BTBD10: variants seen among roughly 807,000 people sequenced by gnomAD.
BTBD10 encodes BTB/POZ domain-containing protein 10.
BTBD10 carries 21 observed loss-of-function variants against 53.2 expected under a neutral mutation model. The ratio of observed to expected loss-of-function variants is 0.39; its 90% CI spans 0.28 to 0.57. BTBD10 has a LOEUF of 0.57. BTBD10 is among the 20% of genes least tolerant of loss of function. BTBD10 has a pLI of 0.53. For synonymous variants in BTBD10, 149 were observed against 192.7 expected (o/e 0.77, Z 1.88); for missense variants, 360 against 594.7 (o/e 0.61, Z 4.10).
At chr11:13,396,214 C>T (rs1271362795) in intron 8 of BTBD10, among the ~76,000 whole-genome samples, 3 of 152,070 alleles carry the variant, frequency 2.0e-5, no homozygotes, top group East Asian at 1.9e-4. Flanking sequence ...TTTTATTTCA[C>T]TGAGCAGTGG....
intron 5 of BTBD10, among the ~76,000 whole-genome samples, chr11:13,416,257 G>A (rs1445831869): frequency 6.6e-6 from 1 of 151,936 alleles, no homozygotes; most frequent in African/African-American, 2.4e-5. Context: ...GGGAGGCTGA[G>A]GTGGGATGAT....
Position 13,419,603 on chromosome 11 carries a change from C to A in BTBD10, c.441G>T (p.Gly147=). The stretch of plus-strand genomic sequence containing the variant: ...CATTTTCATATACAAACACCATCTC[C>A]CCAGCTGTCTTACAGCTACCATCTG... The part of the protein sequence containing the change: ...SSSDGSCKTA[G]EMVFVYENAK... Residue 147 remains glycine, a synonymous_variant, in exon 4 of 9, where the codon GGG becomes GGT. Coordinates refer to ENST00000278174, the MANE Select transcript of BTBD10 (RefSeq NM_032320.7). 4 of 1,614,046 alleles carry A rather than the reference C, an allele frequency of 2.5e-6. No homozygotes were observed. Among genetic ancestry groups the A allele is most frequent in the Non-Finnish European group, 3.4e-6 (4 of 1,179,976 alleles).
intron 2 of BTBD10, among the ~76,000 whole-genome samples, chr11:13,437,261 G>A (rs559930205): frequency 6.6e-6 from 1 of 152,310 alleles, no homozygotes; most frequent in Admixed American, 6.5e-5. Flanking sequence ...AAGATGGGAA[G>A]CCATATGATA....
In BTBD10 at chr11:13,403,151, TA is replaced by T. The variant is rs1489234247; in HGVS notation, c.1117+16del. 7.3e-7 allele frequency: 1 copy of T among 1,366,778 alleles called. No individual in the cohort carries two copies. Among genetic ancestry groups the T allele is most frequent in the Non-Finnish European group, 1.0e-6 (1 of 999,218 alleles). The allele number at this position is 1,366,778 out of a possible 1,614,324, so 84.7% of individuals were successfully genotyped here. A position where few individuals can be genotyped will look rare whatever the true frequency, so the allele number is the denominator to read the frequency against. ...TTTTAAAAAGAAAACTAATAGAAAATAATGAAAATGTCTTACCTTCTATTCC... is the reference window on the plus strand; with the variant it reads ...TTTTAAAAAGAAAACTAATAGAAAATATGAAAATGTCTTACCTTCTATTCC... On this transcript the variant is annotated intron_variant, in intron 8 of 8. Transcript: ENST00000278174.
At chr11:13,435,573 AC>A (rs531075705) in intron 2 of BTBD10, among the ~76,000 whole-genome samples, 151 of 152,128 alleles carry the variant, frequency 9.9e-4, no homozygotes, top group African/African-American at 3.4e-3. Flanking sequence ...GCTCACTGCA[AC>A]CTCCACCTCC....
chr11:13,421,708 T>G lies in BTBD10; in HGVS notation c.232A>C (p.Arg78=). ...SDRSRDSSHE[R]TESQLTPCIR... ...CAAGGAGTGAGCTGAGACTCCGTTCTTTCATGAGATGAATCTCGTGATCTG... is the reference window on the plus strand; with the variant it reads ...CAAGGAGTGAGCTGAGACTCCGTTCGTTCATGAGATGAATCTCGTGATCTG... Residue 78 remains arginine, a synonymous_variant, in exon 3 of 9, where the codon AGA becomes CGA. Coordinates refer to ENST00000278174, the MANE Select transcript of BTBD10 (RefSeq NM_032320.7). The G allele has an allele frequency of 6.2e-7, 1 of 1,614,086 alleles. No homozygotes were observed. Among genetic ancestry groups the G allele is most frequent in the Non-Finnish European group, 8.5e-7 (1 of 1,179,960 alleles).
chr11:13,450,376 A>G (rs146920281), intron 1 of BTBD10, among the ~76,000 whole-genome samples: 93 of 152,298 alleles, frequency 6.1e-4, no homozygotes, highest in African/African-American at 2.1e-3. Context: ...CACAAAGTTA[A>G]TTTTGTACTA....
intron 6 of BTBD10, among the ~76,000 whole-genome samples, chr11:13,409,418 G>A (rs930425490): frequency 3.3e-5 from 5 of 152,066 alleles, no homozygotes; most frequent in Admixed American, 2.6e-4. Context: ...TGTTCATACT[G>A]AATCCCCAAA....
At chr11:13,426,730 A>G (rs1950346054) in intron 2 of BTBD10, among the ~76,000 whole-genome samples, 1 of 152,176 alleles carries the variant, frequency 6.6e-6, no homozygotes, top group Admixed American at 6.5e-5. Context: ...TACAGTTAAT[A>G]TACCAAAAAA....
intron 2 of BTBD10, among the ~76,000 whole-genome samples, chr11:13,440,786 T>TA (rs1419929429): frequency 6.6e-6 from 1 of 152,212 alleles, no homozygotes; most frequent in African/African-American, 2.4e-5. Flanking sequence ...ACCTGAGTTT[T>TA]ATATGGTCAT....
chr11:13,437,425 C>A (rs1950564806), intron 2 of BTBD10, among the ~76,000 whole-genome samples: 1 of 152,166 alleles, frequency 6.6e-6, no homozygotes, highest in African/African-American at 2.4e-5. Flanking sequence ...TACAACAACT[C>A]AGCCTCAAAA....
chr11:13,395,715 A>C (rs1949529693), intron 8 of BTBD10, among the ~76,000 whole-genome samples: 1 of 152,142 alleles, frequency 6.6e-6, no homozygotes, highest in African/African-American at 2.4e-5. Flanking sequence ...TAATTTTTGT[A>C]TAAGGTGTAA....
intron 2 of BTBD10, among the ~76,000 whole-genome samples, chr11:13,428,136 G>GA (rs1218533502): frequency 3.3e-5 from 5 of 152,036 alleles, no homozygotes; most frequent in African/African-American, 9.7e-5. Flanking sequence ...TCAGAAATAA[G>GA]AGAGGCTACA....
chr11:13,410,503 T>G (rs1949919202), intron 6 of BTBD10, among the ~76,000 whole-genome samples: 1 of 152,182 alleles, frequency 6.6e-6, no homozygotes, highest in African/African-American at 2.4e-5. Flanking sequence ...CTCAAAGTGC[T>G]GGGAATATAG....
At chr11:13,445,335 A>C (rs1165464040) in intron 1 of BTBD10, among the ~76,000 whole-genome samples, 154 bp from the exon 2 acceptor site, 1 of 152,214 alleles carries the variant, frequency 6.6e-6, no homozygotes, top group Non-Finnish European at 1.5e-5. Flanking sequence ...TCAAATTAAA[A>C]TAAACACCAG....
chr11:13,419,843 T>A, intron 3 of BTBD10, 98 bp from the exon 4 acceptor site: 1 of 1,186,392 alleles, frequency 8.4e-7, no homozygotes, highest in Non-Finnish European at 1.2e-6. Flanking sequence ...AAAGTTGTTT[T>A]AAGTCACAGC....
At chr11:13,410,166 T>G (rs1171766566) in intron 6 of BTBD10, among the ~76,000 whole-genome samples, 1 of 152,040 alleles carries the variant, frequency 6.6e-6, no homozygotes, top group Non-Finnish European at 1.5e-5. Flanking sequence ...TTAAAAAAAA[T>G]TAAAGTTGAC....
chr11:13,404,997 T>C (rs1195312020), intron 7 of BTBD10, among the ~76,000 whole-genome samples: 1 of 152,132 alleles, frequency 6.6e-6, no homozygotes, highest in African/African-American at 2.4e-5. Context: ...CCTTGAGTCA[T>C]TCTTTTTCAA....
rs893146160 is a variant in BTBD10 at position 13,416,223 on chromosome 11, A to C, written c.687+935T>G. ...AAAAAAATTAGCTGGGCGTGGTGGC[A>C]CACACCTATGGTCCCAGCTACTAGG... On this transcript the variant is annotated intron_variant, in intron 5 of 8. Coordinates refer to ENST00000278174, the MANE Select transcript of BTBD10 (RefSeq NM_032320.7). Among the ~76,000 whole-genome samples the C allele has an allele frequency of 2.0e-5, 3 of 151,668 alleles. No individual in the cohort carries two copies. In the East Asian group the frequency reaches 5.9e-4, roughly 30 times the overall value.
Sources: allele counts gnomAD v4.1 joint callset (sites outside exome capture counted in the v4.1 genomes callset), GRCh38; gene constraint gnomAD v4.1.1; transcripts MANE v1.5; gene names NCBI Gene and HGNC (gene_info 2026-07-23, HGNC 2026-07-21).